Variants in ABLIM1 observed in about 807,000 individuals in gnomAD.
ABLIM1 encodes actin-binding LIM protein 1.
A neutral mutation model predicts 107.0 loss-of-function variants in ABLIM1; 40 were observed. The ratio of observed to expected loss-of-function variants is 0.37; its 90% CI spans 0.29 to 0.49. The LOEUF is 0.49. Ranked by LOEUF, ABLIM1 falls within the 20% of genes least tolerant of loss-of-function variation. The pLI is 0.97. For missense variants in ABLIM1, 857 were observed against 1,008.5 expected (o/e 0.85, Z 2.04); for synonymous variants, 357 against 357.3 (o/e 1.00, Z 0.01).
intron 8 of ABLIM1, among the ~76,000 whole-genome samples, chr10:114,478,039 C>T (rs886805234): frequency 2.0e-5 from 3 of 152,162 alleles, no homozygotes; most frequent in Non-Finnish European, 4.4e-5. Context: ...TCCTTCTTGA[C>T]TGGATTAGGG....
chr10:114,490,916 G>A lies in ABLIM1; in HGVS notation c.982+875C>T, dbSNP rs376853097. ...ATTCCTCAGCTCAAGCTATCCTCCCGCCTCTGCCTCCCTGAGAGCTGGGAT... is the reference window on the plus strand; with the variant it reads ...ATTCCTCAGCTCAAGCTATCCTCCCACCTCTGCCTCCCTGAGAGCTGGGAT... On this transcript the variant is annotated intron_variant, in intron 7 of 22. Coordinates refer to ENST00000533213, the MANE Select transcript of ABLIM1 (RefSeq NM_002313.7). 6.8e-5 allele frequency among the ~76,000 whole-genome samples: 10 copies of A among 147,382 alleles called. No individual in the cohort carries two copies. In the East Asian group the frequency reaches 1.4e-3, roughly 21 times the overall value.
chr10:114,494,029 A>C (rs1565599125), intron 6 of ABLIM1, among the ~76,000 whole-genome samples: 1 of 152,230 alleles, frequency 6.6e-6, no homozygotes, highest in Non-Finnish European at 1.5e-5. Flanking sequence ...AAAATAATTA[A>C]AGTACTTTAG....
At chr10:114,566,246 C>T (rs2070730835) in intron 4 of ABLIM1, among the ~76,000 whole-genome samples, 1 of 152,146 alleles carries the variant, frequency 6.6e-6, no homozygotes, top group Non-Finnish European at 1.5e-5. Context: ...TGTCAATCCC[C>T]ACAAACCCAC....
rs368565545 is a variant in ABLIM1, at chr10:114,707,932, AAC to A, written c.-213+60127_-213+60128del. Among the ~76,000 whole-genome samples, 2,508 of 143,364 alleles carry A rather than the reference AAC, an allele frequency of 0.017. 72 individuals carry two copies. The highest frequency in any genetic ancestry group is 0.067 in the African/African-American group (2,317 of 34,532). The allele number at this position is 143,364 out of a possible 152,430, so 94.1% of individuals were successfully genotyped here. A position where few individuals can be genotyped will look rare whatever the true frequency, so the allele number is the denominator to read the frequency against. On this transcript the variant is annotated intron_variant, in intron 1 of 15. Transcript: ENST00000651092. This position sits in a 1 kb window ranked among gnomAD's most constrained non-coding sequence, Gnocchi z 4.1. ...AAACAAACAAACAAACAACAACAAC[AAC>A]AAAAAACCTAATTACCAACAGTTTT...
At position 114,484,388 on chromosome 10, in the gene ABLIM1, T is replaced by C. The variant is rs1441931392; in HGVS notation, c.1041+3570A>G. ...TTCCTTTCCCACTTCACTGTTCTTT[T>C]GTTTTTTTTCTTGAGACAGAGTCTT... is the stretch of plus-strand genomic sequence containing the variant. On this transcript the variant is annotated intron_variant, in intron 8 of 22. Transcript: ENST00000533213. Among the ~76,000 whole-genome samples, 5 of 152,150 alleles carry C rather than the reference T, an allele frequency of 3.3e-5. No individual in the cohort carries two copies. The East Asian group carries it at 5.8e-4, about 18-fold the overall frequency.
chr10:114,772,979 C>G (rs980154366), upstream of ABLIM1, among the ~76,000 whole-genome samples: 14 of 151,646 alleles, frequency 9.2e-5, no homozygotes, highest in South Asian at 2.1e-4. Flanking sequence ...CAAACAGAAC[C>G]AAAGATTTAG....
intron 4 of ABLIM1, among the ~76,000 whole-genome samples, chr10:114,567,047 T>C (rs2070853644): frequency 6.6e-6 from 1 of 152,180 alleles, no homozygotes; most frequent in Admixed American, 6.5e-5. Context: ...AGACTCTGTC[T>C]CAAAAACAAA....
At chr10:114,712,567 C>T (rs531160237) in intron 1 of ABLIM1, among the ~76,000 whole-genome samples, 2 of 152,270 alleles carry the variant, frequency 1.3e-5, no homozygotes, top group Non-Finnish European at 2.9e-5. Flanking sequence ...AGGTCACCTC[C>T]TATTTACCCA....
At chr10:114,501,335 A>T (rs567930283) in intron 6 of ABLIM1, among the ~76,000 whole-genome samples, 1 of 152,214 alleles carries the variant, frequency 6.6e-6, no homozygotes, top group South Asian at 2.1e-4. Flanking sequence ...AACAGAGCCA[A>T]TGTTGTTTTC....
At chr10:114,628,185 T>C (rs2077939642) in intron 1 of ABLIM1, among the ~76,000 whole-genome samples, 2 of 151,940 alleles carry the variant, frequency 1.3e-5, no homozygotes, top group Admixed American at 1.3e-4. Context: ...AATCCATTGA[T>C]CTAAACCTTA....
At chr10:114,747,639 T>C (rs903474140) in intron 1 of ABLIM1, among the ~76,000 whole-genome samples, 4 of 152,260 alleles carry the variant, frequency 2.6e-5, no homozygotes, top group African/African-American at 9.6e-5. Flanking sequence ...ACAGGTGATA[T>C]TGATAACAGT....
chr10:114,718,012 AAGGAAG>A (rs2081722579), intron 1 of ABLIM1, among the ~76,000 whole-genome samples: 1 of 137,896 alleles, frequency 7.3e-6, no homozygotes, highest in African/African-American at 2.8e-5. Flanking sequence ...GGAAGGAAGG[AAGGAAG>A]GAAGGAAGGA....
chr10:114,498,764 T>A (rs1014300461), intron 6 of ABLIM1, among the ~76,000 whole-genome samples: 4 of 152,180 alleles, frequency 2.6e-5, no homozygotes, highest in Non-Finnish European at 4.4e-5. Flanking sequence ...GGCAAACATG[T>A]TTGTTGTGAT....
intron 10 of ABLIM1, among the ~76,000 whole-genome samples, chr10:114,470,903 G>A (rs1208096446): frequency 6.7e-6 from 1 of 149,752 alleles, no homozygotes; most frequent in Admixed American, 6.6e-5. Context: ...TTTTGTTTTT[G>A]AGACAGGGTG....
intron 22 of ABLIM1, among the ~76,000 whole-genome samples, chr10:114,437,342 G>A (rs555603596): frequency 1.4e-4 from 19 of 140,488 alleles, no homozygotes; most frequent in Middle Eastern, 3.9e-3. Flanking sequence ...TTTTTTAGAC[G>A]GAGTCAGGCT....
chr10:114,632,460 G>A, intron 1 of ABLIM1: 1 of 985,386 alleles, frequency 1.0e-6, no homozygotes, highest in Non-Finnish European at 1.2e-6. Context: ...CTTCTTTCAG[G>A]CAAACTGGAT....
chr10:114,667,127 A>G (rs915776614), intron 1 of ABLIM1, among the ~76,000 whole-genome samples: 1 of 152,210 alleles, frequency 6.6e-6, no homozygotes, highest in African/African-American at 2.4e-5. Flanking sequence ...AAAAGCTGTG[A>G]TTTAAACCCT....
chr10:114,706,172 G>A (rs911788733), intron 1 of ABLIM1, among the ~76,000 whole-genome samples: 6 of 152,190 alleles, frequency 3.9e-5, no homozygotes, highest in Non-Finnish European at 7.3e-5. Context: ...TATAATTAGA[G>A]AAGGAGAAGG....
the ABLIM1 span, among the ~76,000 whole-genome samples, chr10:114,796,762 A>G: frequency 6.6e-6 from 1 of 152,148 alleles, no homozygotes; most frequent in African/African-American, 2.4e-5. Context: ...TTCCACTGTC[A>G]TGTCAAAATT....
Sources: allele counts gnomAD v4.1 joint callset (sites outside exome capture counted in the v4.1 genomes callset), GRCh38; gene constraint gnomAD v4.1.1; non-coding constraint Gnocchi (gnomAD v3.1); transcripts MANE v1.5; gene names NCBI Gene and HGNC (gene_info 2026-07-23, HGNC 2026-07-21).